NUMA1: variants seen among roughly 807,000 people sequenced by gnomAD.
NUMA1 encodes nuclear mitotic apparatus protein 1, also known as SP-H antigen.
A neutral mutation model predicts 237.1 loss-of-function variants in NUMA1; 62 were observed. The observed-to-expected ratio is 0.26, with a 90% CI of 0.21 to 0.32. NUMA1 has a LOEUF of 0.32. Ranked by LOEUF, NUMA1 falls within the 10% of genes least tolerant of loss-of-function variation. The pLI is 1.00. For missense variants in NUMA1, 2,533 were observed against 2,666.5 expected, an observed-to-expected ratio of 0.95 and a Z score of 1.10; for synonymous variants, 1,028 against 1,066.1, an observed-to-expected ratio of 0.96 and a Z score of 0.70.
In NUMA1 at chr11:72,014,555, C is replaced by T. The variant is rs761219488; in HGVS notation, c.2948G>A (p.Arg983Gln). 4.7e-5 allele frequency: 76 copies of T among 1,602,910 alleles called. No individual in the cohort carries two copies. The highest frequency in any genetic ancestry group is 6.0e-5 in the Non-Finnish European group (71 of 1,179,986). The change falls in exon 15 of 27, where the codon CGG becomes CAG. Residue 983 changes from arginine to glutamine, a missense_variant. Coordinates refer to ENST00000393695, the MANE Select transcript of NUMA1 (RefSeq NM_006185.4). The surrounding 1 kb of genome is among the most constrained non-coding windows in gnomAD (Gnocchi z 4.6). ...EAEQMGNELE[R>Q]LRAALMESQG... is the part of the protein sequence containing the mutation. ...GCTCTCCATCAGCGCGGCCCGCAGCCGTTCCAGCTCATTGCCCATCTGCTC... is the reference window on the plus strand; with the variant it reads ...GCTCTCCATCAGCGCGGCCCGCAGCTGTTCCAGCTCATTGCCCATCTGCTC...
At chr11:72,038,869 T>C (rs1941351202) in intron 2 of NUMA1, among the ~76,000 whole-genome samples, 1 of 151,820 alleles carries the variant, frequency 6.6e-6, no homozygotes, top group South Asian at 2.1e-4. Flanking sequence ...ATCTACCTGA[T>C]TCTCTGAGAA....
chr11:72,050,339 C>T (rs1185169147), intron 2 of NUMA1, among the ~76,000 whole-genome samples: 1 of 152,156 alleles, frequency 6.6e-6, no homozygotes, highest in Non-Finnish European at 1.5e-5. Flanking sequence ...TCCACTTTTC[C>T]TTTTTCCACA....
At chr11:72,010,709 C>T in intron 17 of NUMA1, 77 bp downstream of exon 17, 1 of 1,446,630 alleles carries the variant, frequency 6.9e-7, no homozygotes, top group Non-Finnish European at 9.5e-7. Context: ...GCCCCGACAC[C>T]CCCCACGGCC....
chr11:72,018,651 G>C, intron 10 of NUMA1, 138 bp from the exon 11 acceptor site: 1 of 1,067,174 alleles, frequency 9.4e-7, no homozygotes, highest in Non-Finnish European at 1.4e-6. Context: ...CAATCTAAGG[G>C]AAAGAGAAGA....
At chr11:72,030,309 C>T (rs1940125170) in intron 3 of NUMA1, among the ~76,000 whole-genome samples, 1 of 144,082 alleles carries the variant, frequency 6.9e-6, no homozygotes. Context: ...GTACTCTAGC[C>T]TGAGTGACAG....
chr11:72,007,176 C>T lies in NUMA1; in HGVS notation c.5463+13G>A, dbSNP rs1463662924. 1 of 1,605,006 alleles carries T rather than the reference C, an allele frequency of 6.2e-7. No individual in the cohort carries two copies. The highest frequency in any genetic ancestry group is 2.2e-5 in the East Asian group (1 of 44,878). ...GAATTGCTGCCCTGCAGCCCCTGTC[C>T]CAGCAGCCTGACCTTGGTCATGGTG... On this transcript the variant is annotated intron_variant, in intron 21 of 26. Transcript: ENST00000393695.
chr11:72,062,018 G>A (rs1003818544), intron 2 of NUMA1, among the ~76,000 whole-genome samples: 2 of 152,056 alleles, frequency 1.3e-5, no homozygotes, highest in African/African-American at 2.4e-5. Context: ...CCAGCAAGTC[G>A]AACAAACTGC....
chr11:72,015,072 C>G lies in NUMA1; in HGVS notation c.2431G>C (p.Ala811Pro). Residue 811 changes from alanine (A) to proline (P), a missense_variant, in exon 15 of 27, where the codon GCT becomes CCT. Physicochemically the swap from Ala to Pro is conservative, Grantham distance 27. Around this residue, in one of 3 missense-constraint regions of NUMA1, gnomAD observed 1,414 missense variants for 1,508.1 expected, o/e 0.94. Transcript: ENST00000393695. The surrounding 1 kb of genome is among the most constrained non-coding windows in gnomAD (Gnocchi z 4.0). Reference protein sequence around the residue: ...SECEQLVKEVAAWRERYEDSQ... With the variant: ...SECEQLVKEVPAWRERYEDSQ... ...TCCTCATACCGCTCACGCCAGGCAGCTACTTCTTTGACGAGCTGCTCACAC... is the reference window on the plus strand; with the variant it reads ...TCCTCATACCGCTCACGCCAGGCAGGTACTTCTTTGACGAGCTGCTCACAC... The G allele has an allele frequency of 6.2e-7, 1 of 1,614,110 alleles. No individual in the cohort carries two copies. Among genetic ancestry groups the G allele is most frequent in the East Asian group, 2.2e-5 (1 of 44,880 alleles).
At chr11:72,022,145 G>A in intron 7 of NUMA1, 194 bp downstream of exon 7, 2 of 497,338 alleles carry the variant, frequency 4.0e-6, no homozygotes, top group Middle Eastern at 4.1e-4. Context: ...CAAACTCTGG[G>A]AATGAGTTTA....
At chr11:72,053,525 AAGAC>A (rs1228908700) in intron 2 of NUMA1, among the ~76,000 whole-genome samples, 3 of 152,232 alleles carry the variant, frequency 2.0e-5, no homozygotes, top group African/African-American at 7.2e-5. Flanking sequence ...CACACAGAAG[AAGAC>A]AGTTTGAAGT....
In NUMA1 at chr11:72,018,878, A is replaced by G; in HGVS notation, c.687T>C (p.Asn229=). 1 of 1,613,308 alleles carries G rather than the reference A, an allele frequency of 6.2e-7. No individual in the cohort carries two copies. Among genetic ancestry groups the G allele is most frequent in the Non-Finnish European group, 8.5e-7 (1 of 1,179,874 alleles). The change falls in exon 10 of 27, where the codon AAT becomes AAC. Residue 229 remains asparagine, a synonymous_variant. Coordinates refer to ENST00000393695, the MANE Select transcript of NUMA1 (RefSeq NM_006185.4). ...CTAGCTCCAGCTCCAGCTCATCCCT[A>G]TTACTTCTCTCATCAGCAAGCTGCT... The part of the protein sequence containing the change: ...LKKQLADERS[N]RDELELELAE...
chr11:72,063,015 G>C (rs989817259), intron 2 of NUMA1, among the ~76,000 whole-genome samples: 21 of 152,260 alleles, frequency 1.4e-4, no homozygotes, highest in African/African-American at 4.8e-4. Flanking sequence ...AGGTTGCAGT[G>C]AGCTGAGATT....
In NUMA1 at chr11:72,009,062, G is replaced by A. The variant is rs1164126793; in HGVS notation, c.4963C>T (p.Leu1655=). The A allele has an allele frequency of 1.2e-6, 2 of 1,613,770 alleles. No homozygotes were observed. Among genetic ancestry groups the A allele is most frequent in the Non-Finnish European group, 8.5e-7 (1 of 1,180,022 alleles). Residue 1655 remains leucine, a synonymous_variant, in exon 19 of 27, where the codon CTG becomes TTG. Coordinates refer to ENST00000393695, the MANE Select transcript of NUMA1 (RefSeq NM_006185.4). ...CCAGCCTGCTGTAGCTCATGGCCCA[G>A]CCGTTCAGCTTCAGCTCGCAGCTCT... ...NKELRAEAER[L]GHELQQAGLK... is the part of the protein sequence containing the mutation.
At chr11:72,053,303 C>G (rs58971776) in intron 2 of NUMA1, among the ~76,000 whole-genome samples, 3,356 of 152,218 alleles carry the variant, frequency 0.022, 123 homozygotes, top group African/African-American at 0.074. Flanking sequence ...CCTAATTACG[C>G]CTTTTTGTAT....
chr11:72,057,204 T>C (rs1003055903), intron 2 of NUMA1, among the ~76,000 whole-genome samples: 1 of 152,208 alleles, frequency 6.6e-6, no homozygotes, highest in African/African-American at 2.4e-5. Flanking sequence ...GTTTTAGAGA[T>C]AAGGACACTA....
intron 8 of NUMA1, 107 bp from the exon 9 acceptor site, chr11:72,019,724 T>G: frequency 8.2e-7 from 1 of 1,219,098 alleles, no homozygotes; most frequent in Non-Finnish European, 1.1e-6. Context: ...AGTATATCCA[T>G]GGATACTTAT....
intron 3 of NUMA1, among the ~76,000 whole-genome samples, chr11:72,031,922 G>C (rs1651180962): frequency 6.6e-6 from 1 of 151,382 alleles, no homozygotes; most frequent in South Asian, 2.1e-4. Flanking sequence ...TTGAGGCCAG[G>C]AGTTTGAGAT....
At chr11:72,046,936 G>A (rs1005891133) in intron 2 of NUMA1, among the ~76,000 whole-genome samples, 2 of 151,896 alleles carry the variant, frequency 1.3e-5, no homozygotes, top group African/African-American at 2.4e-5. Context: ...CTCCAGTCTG[G>A]GTGACAGAGT....
intron 4 of NUMA1, chr11:72,024,700 A>C (rs920267377): frequency 4.0e-6 from 1 of 252,268 alleles, no homozygotes; most frequent in Admixed American, 5.1e-5. Flanking sequence ...GAATGGCTCA[A>C]CTCTAAACTG....
Sources: gnomAD v4.1 joint callset for allele counts (sites outside exome capture counted in the v4.1 genomes callset) on GRCh38, gnomAD v4.1.1 for gene constraint, gnomAD v4.1.1 regional missense constraint, Gnocchi (gnomAD v3.1) non-coding constraint, MANE v1.5 for transcripts, NCBI Gene and HGNC (gene_info 2026-07-23, HGNC 2026-07-21) for gene names.